The following INPP5E variants were observed in gnomAD, a reference collection of about 807,000 sequenced individuals.
INPP5E encodes the protein phosphatidylinositol polyphosphate 5-phosphatase type IV.
INPP5E carries 34 observed loss-of-function variants against 50.5 expected under a neutral mutation model. That is an observed-to-expected ratio of 0.67 (90% confidence interval 0.51 to 0.90). INPP5E has a LOEUF of 0.90. Ranked by LOEUF, INPP5E falls within the 40% of genes least tolerant of loss-of-function variation. INPP5E has a pLI of 0.00. For synonymous variants in INPP5E, 447 were observed against 406.0 expected (o/e 1.10, Z -1.21); for missense variants, 942 against 905.5 (o/e 1.04, Z -0.52).
At position 136,429,745 on chromosome 9, in the gene INPP5E, ATCCGTCTTTTAAT is replaced by A; in HGVS notation, c.1852_1864del (p.Ile618PhefsTer27). On this transcript the variant is annotated frameshift_variant, in exon 10 of 10. Coordinates refer to ENST00000371712, the MANE Select transcript of INPP5E (RefSeq NM_019892.6). LOFTEE classifies it low-confidence loss of function (END_TRUNC). ...TTGCTGCCTCTGAATCTCCTTCGAA[ATCCGTCTTTTAAT>A]TCCTAGTAAGTACAGTTCTCTATCA... 1 of 1,613,806 alleles carries A rather than the reference ATCCGTCTTTTAAT, an allele frequency of 6.2e-7. No individual in the cohort carries two copies. The highest frequency in any genetic ancestry group is 8.5e-7 in the Non-Finnish European group (1 of 1,179,942).
In INPP5E at chr9:136,439,207, G is replaced by A. The variant is rs1281384783; in HGVS notation, c.213C>T (p.Ala71=). ...EDPPARAAPI[A]PRPPARPRLE... ...GTCGAGGCCTGGCGGGGGGCCGCGG[G>A]GCGATGGGTGCTGCTCGGGCTGGCG... Residue 71 remains alanine, a synonymous_variant, in exon 1 of 10, where the codon GCC becomes GCT. Coordinates refer to ENST00000371712, the MANE Select transcript of INPP5E (RefSeq NM_019892.6). 3 of 1,539,800 alleles carry A rather than the reference G, an allele frequency of 1.9e-6. No individual in the cohort carries two copies. Among genetic ancestry groups the A allele is most frequent in the Admixed American group, 3.9e-5 (2 of 51,450 alleles).
At chr9:136,438,561 C>G in intron 1 of INPP5E, 47 bp downstream of exon 1, 2 of 1,490,218 alleles carry the variant, frequency 1.3e-6, no homozygotes, top group Non-Finnish European at 9.1e-7. Flanking sequence ...AGCCTGAACA[C>G]TACAACGAAG....
At position 136,439,544 on chromosome 9, in the gene INPP5E, C is replaced by T. The variant is rs1004356368; in HGVS notation, c.-125G>A. On this transcript the variant is annotated 5_prime_UTR_variant, in exon 1 of 10. Transcript: ENST00000371712. ...ACGCCGCTGCGGCTCCCGCTTGGGC[C>T]GGGGATGGTCGCGGAGGGGCGGGGG... The T allele has an allele frequency of 1.4e-5, 9 of 655,258 alleles. No homozygotes were observed. Among genetic ancestry groups the T allele is most frequent in the South Asian group, 9.7e-5 (2 of 20,622 alleles). The allele number at this position is 655,258 out of a possible 1,614,324, so 40.6% of individuals were successfully genotyped here.
intron 2 of INPP5E, 103 bp from the exon 3 acceptor site, chr9:136,434,237 T>C: frequency 1.2e-6 from 1 of 822,244 alleles, no homozygotes; most frequent in South Asian, 1.5e-5. Context: ...CTCCTCCGAA[T>C]GAGGGGAAAC....
intron 9 of INPP5E, 95 bp from the exon 10 acceptor site, chr9:136,429,902 G>C (rs1359074549): frequency 1.1e-6 from 1 of 905,076 alleles, no homozygotes; most frequent in Non-Finnish European, 1.8e-6. Context: ...CATTTAAGAG[G>C]ACACCCAGGG....
chr9:136,439,156 G>A lies in INPP5E; in HGVS notation c.264C>T (p.Asp88=), dbSNP rs1835924468. The A allele has an allele frequency of 6.4e-7, 1 of 1,572,758 alleles. No homozygotes were observed. The highest frequency in any genetic ancestry group is 8.6e-7 in the Non-Finnish European group (1 of 1,164,336). Residue 88 remains aspartate (D), a synonymous_variant, in exon 1 of 10, where the codon GAC becomes GAT. Transcript: ENST00000371712. ...PRLERALSLD[D]KGWRRRRFRG... ...GAAAACGCCTCCTCCTCCAGCCCTT[G>A]TCGTCCAGGGACAGGGCTCGCTCCA...
chr9:136,439,395 G>A lies in INPP5E; in HGVS notation c.25C>T (p.Arg9Trp). Residue 9 changes from arginine (R) to tryptophan (W), a missense_variant, in exon 1 of 10, where the codon CGG (arginine) becomes TGG (tryptophan). Coordinates refer to ENST00000371712, the MANE Select transcript of INPP5E (RefSeq NM_019892.6). MPSKAENL[R>W]PSEPAPQPPE... ...GGCTGCGGGGCCGGCTCGGAGGGCC[G>A]CAGATTCTCCGCCTTGGACGGCATG... is the stretch of plus-strand genomic sequence containing the variant. 1 of 1,465,052 alleles carries A rather than the reference G, an allele frequency of 6.8e-7. No individual in the cohort carries two copies. Among genetic ancestry groups the A allele is most frequent in the South Asian group, 1.3e-5 (1 of 75,690 alleles). The allele number at this position is 1,465,052 out of a possible 1,614,324, so 90.8% of individuals were successfully genotyped here.
chr9:136,430,980 C>T lies in INPP5E; in HGVS notation c.1665+22G>A, dbSNP rs376935441. 32 of 1,516,226 alleles carry T rather than the reference C, an allele frequency of 2.1e-5. 1 individual carries two copies. Among genetic ancestry groups the T allele is most frequent in the South Asian group, 5.6e-5 (5 of 89,022 alleles). The allele number at this position is 1,516,226 out of a possible 1,614,324, so 93.9% of individuals were successfully genotyped here. A position where few individuals can be genotyped will look rare whatever the true frequency, so the allele number is the denominator to read the frequency against. The stretch of plus-strand genomic sequence containing the variant: ...TGCCTGCCCTGGAAGCACTCTGCAC[C>T]GCAGCGGTGGGCAGGCCTCACCGTG... On this transcript the variant is annotated intron_variant, in intron 8 of 9. Coordinates refer to ENST00000371712, the MANE Select transcript of INPP5E (RefSeq NM_019892.6).
rs1168634472 is a variant in INPP5E, at chr9:136,429,578, G to A, written c.*97C>T. On this transcript the variant is annotated 3_prime_UTR_variant, in exon 10 of 10. Coordinates refer to ENST00000371712, the MANE Select transcript of INPP5E (RefSeq NM_019892.6). Reference sequence around the variant, plus strand: ...AGAGGCACGGTCGCCACAGTCCCTCGGATCCCCGAAAGGCGGCAAACTCTT... The same window carrying A: ...AGAGGCACGGTCGCCACAGTCCCTCAGATCCCCGAAAGGCGGCAAACTCTT... 17 of 1,516,124 alleles carry A rather than the reference G, an allele frequency of 1.1e-5. No homozygotes were observed. In the Admixed American group the frequency reaches 1.5e-4, roughly 13 times the overall value. The allele number at this position is 1,516,124 out of a possible 1,614,324, so 93.9% of individuals were successfully genotyped here.
chr9:136,434,770 G>A lies in INPP5E; in HGVS notation c.906C>T (p.Phe302=), dbSNP rs140222295. The change falls in exon 2 of 10, where the codon TTC becomes TTT. Residue 302 remains phenylalanine (F), a synonymous_variant. Transcript: ENST00000371712. The stretch of plus-strand genomic sequence containing the variant: ...GGCCCTGCATGTTCCAGGTGGCCAC[G>A]AAGAGTGCCACGTTCCGGTCTGGGA... ...RYFPDRNVAL[F]VATWNMQGQK... 5.2e-5 allele frequency: 81 copies of A among 1,545,250 alleles called. No individual in the cohort carries two copies. The highest frequency in any genetic ancestry group is 2.4e-4 in the Admixed American group (14 of 57,718).
In INPP5E at chr9:136,439,089, G is replaced by A. The variant is rs766472975; in HGVS notation, c.331C>T (p.Pro111Ser). Residue 111 changes from proline (P) to serine (S), a missense_variant, in exon 1 of 10, where the codon CCC becomes TCC. By Grantham distance (74) the Pro-to-Ser change is moderately conservative (BLOSUM62 -1). Coordinates refer to ENST00000371712, the MANE Select transcript of INPP5E (RefSeq NM_019892.6). ...TCGCTCTGCACTGAGCCCCTGGAGG[G>A]ACTGGTCCCATTCCGGGCTTCCAGG... is the stretch of plus-strand genomic sequence containing the variant. Reference protein sequence around the residue: ...EDLEARNGTSPSRGSVQSEGP... With the variant: ...EDLEARNGTSSSRGSVQSEGP... 47 of 1,576,718 alleles carry A rather than the reference G, an allele frequency of 3.0e-5. 1 individual carries two copies. The highest frequency in any genetic ancestry group is 2.9e-4 in the South Asian group (25 of 86,556).
chr9:136,438,691 C>G lies in INPP5E; in HGVS notation c.729G>C (p.Leu243=), dbSNP rs936809854. The G allele has an allele frequency of 6.3e-7, 1 of 1,599,694 alleles. No homozygotes were observed. Among genetic ancestry groups the G allele is most frequent in the East Asian group, 2.3e-5 (1 of 44,340 alleles). ...SLGPGRPRSP[L]ACDDCSLRSA... ...AGCGAAGGGAACAGTCGTCGCAGGC[C>G]AGGGGGCTCCGCGGCCGGCCGGGGC... The change falls in exon 1 of 10, where the codon CTG becomes CTC. Residue 243 remains leucine, a synonymous_variant. Coordinates refer to ENST00000371712, the MANE Select transcript of INPP5E (RefSeq NM_019892.6).
chr9:136,435,727 C>G (rs1189191458), intron 1 of INPP5E: 1 of 152,198 alleles, frequency 6.6e-6, no homozygotes, highest in Non-Finnish European at 1.5e-5. Context: ...CGTGGGACAT[C>G]CAGTGTCTGT....
chr9:136,430,910 G>T, intron 8 of INPP5E, 92 bp downstream of exon 8: 2 of 928,746 alleles, frequency 2.2e-6, no homozygotes, highest in Non-Finnish European at 3.5e-6. Context: ...AGGCCGTCCA[G>T]GCTCAGACCC....
intron 1 of INPP5E, chr9:136,435,863 A>G (rs992337986): frequency 2.0e-5 from 3 of 152,226 alleles, no homozygotes; most frequent in Non-Finnish European, 2.9e-5. Flanking sequence ...TTCTTGTACT[A>G]TGAAACATCA....
chr9:136,439,327 C>A lies in INPP5E; in HGVS notation c.93G>T (p.Pro31=). 1 of 1,407,900 alleles carries A rather than the reference C, an allele frequency of 7.1e-7. No individual in the cohort carries two copies. Among genetic ancestry groups the A allele is most frequent in the Admixed American group, 3.4e-5 (1 of 29,672 alleles). The allele number at this position is 1,407,900 out of a possible 1,614,324, so 87.2% of individuals were successfully genotyped here. A position where few individuals can be genotyped will look rare whatever the true frequency, so the allele number is the denominator to read the frequency against. ...RTLQGQLPGA[P]PAQRAGSPPD... ...GTGGGGACCCCGCGCGCTGGGCCGGCGGAGCGCCGGGAAGCTGTCCTTGGA... is the reference window on the plus strand; with the variant it reads ...GTGGGGACCCCGCGCGCTGGGCCGGAGGAGCGCCGGGAAGCTGTCCTTGGA... The change falls in exon 1 of 10, where the codon CCG becomes CCT. Residue 31 remains proline (P), a synonymous_variant. Transcript: ENST00000371712.
In INPP5E at chr9:136,439,383, G is replaced by A. The variant is rs868539051; in HGVS notation, c.37C>T (p.Pro13Ser). The A allele has an allele frequency of 2.7e-6, 4 of 1,462,424 alleles. No homozygotes were observed. The highest frequency in any genetic ancestry group is 1.5e-5 in the African/African-American group (1 of 67,938). The allele number at this position is 1,462,424 out of a possible 1,614,324, so 90.6% of individuals were successfully genotyped here. A position where few individuals can be genotyped will look rare whatever the true frequency, so the allele number is the denominator to read the frequency against. The change falls in exon 1 of 10, where the codon CCG becomes TCG. Residue 13 changes from proline to serine, a missense_variant. Transcript: ENST00000371712. ...CTCCCTTCCGGCGGCTGCGGGGCCGGCTCGGAGGGCCGCAGATTCTCCGCC... is the reference window on the plus strand; with the variant it reads ...CTCCCTTCCGGCGGCTGCGGGGCCGACTCGGAGGGCCGCAGATTCTCCGCC... ...SKAENLRPSE[P>S]APQPPEGRTL...
intron 9 of INPP5E, 93 bp downstream of exon 9, chr9:136,430,184 G>T: frequency 6.7e-7 from 1 of 1,490,688 alleles, no homozygotes. Flanking sequence ...AAAGCCCCAA[G>T]TGGAACCCCA....
chr9:136,435,779 A>T (rs1386026379), intron 1 of INPP5E: 1 of 152,222 alleles, frequency 6.6e-6, no homozygotes, highest in Admixed American at 6.5e-5. Context: ...CCACCAGGGG[A>T]TGTGGACACA....
Sources: allele counts gnomAD v4.1 joint callset, GRCh38; gene constraint gnomAD v4.1.1; transcripts MANE v1.5; gene names NCBI Gene and HGNC (gene_info 2026-07-23, HGNC 2026-07-21).